NRXN3: variants seen among roughly 807,000 people sequenced by gnomAD.
The protein encoded by NRXN3 is neurexin III.
A neutral mutation model predicts 137.6 loss-of-function variants in NRXN3; 32 were observed. The ratio of observed to expected loss-of-function variants is 0.23; its 90% CI spans 0.18 to 0.31. NRXN3 has a LOEUF of 0.31. Ranked by LOEUF, NRXN3 falls within the 10% of genes least tolerant of loss-of-function variation. The probability of loss-of-function intolerance (pLI) is 1.00; values close to 1 mark genes in which losing one functional copy is unlikely to be tolerated. For synonymous variants in NRXN3, 798 were observed against 784.5 expected (o/e 1.02, Z -0.29); for missense variants, 1,574 against 2,062.5 (o/e 0.76, Z 4.59).
At chr14:79,511,964 A>G (rs1294251109) in intron 16 of NRXN3, among the ~76,000 whole-genome samples, 1 of 152,182 alleles carries the variant, frequency 6.6e-6, no homozygotes, top group Non-Finnish European at 1.5e-5. Flanking sequence ...CAATGGTGCG[A>G]TCTCAGCTCA....
At chr14:79,120,290 T>G (rs2055179436) in intron 15 of NRXN3, among the ~76,000 whole-genome samples, 1 of 152,180 alleles carries the variant, frequency 6.6e-6, no homozygotes. Context: ...GAGAACCTTG[T>G]GCAAATGAGT....
intron 15 of NRXN3, among the ~76,000 whole-genome samples, chr14:79,120,470 A>G (rs1172484935): frequency 2.6e-5 from 4 of 152,100 alleles, no homozygotes; most frequent in African/African-American, 9.7e-5. Flanking sequence ...TATGTAAACC[A>G]GCTTATGATT....
intron 20 of NRXN3, among the ~76,000 whole-genome samples, chr14:79,856,463 C>T (rs2099402719): frequency 6.6e-6 from 1 of 152,014 alleles, no homozygotes; most frequent in African/African-American, 2.4e-5. Flanking sequence ...AAGTAAAATA[C>T]CCAAATATAT....
Position 79,455,780 on chromosome 14 carries a change from A to G in NRXN3, c.3263-11441A>G, listed in dbSNP as rs144020725. ...TATTTCTGTTTTTTTAGAGGTTTAT[A>G]TATTTTCTTTGACATTTTAAAGAGC... On this transcript the variant is annotated intron_variant, in intron 15 of 20. Transcript: ENST00000335750. 3.4e-4 allele frequency among the ~76,000 whole-genome samples: 51 copies of G among 151,818 alleles called. No homozygotes were observed. The East Asian group carries it at 9.5e-3, about 28-fold the overall frequency.
chr14:78,913,499 C>T (rs1213519986), intron 10 of NRXN3, among the ~76,000 whole-genome samples: 7 of 151,652 alleles, frequency 4.6e-5, no homozygotes, highest in Non-Finnish European at 8.8e-5. Flanking sequence ...AGGATGGTCT[C>T]GATCTCTTGA....
chr14:78,638,598 T>G (rs1427877684), intron 4 of NRXN3, among the ~76,000 whole-genome samples: 1 of 152,050 alleles, frequency 6.6e-6, no homozygotes, highest in Non-Finnish European at 1.5e-5. Flanking sequence ...ATTTCTACTT[T>G]CCCCTCACTT....
chr14:78,780,625 A>T (rs1193504935), intron 8 of NRXN3, among the ~76,000 whole-genome samples: 2 of 152,206 alleles, frequency 1.3e-5, no homozygotes, highest in Non-Finnish European at 2.9e-5. Flanking sequence ...TAACCCAATG[A>T]AAAATGAGCA....
At chr14:78,369,268 GC>G in intron 4 of NRXN3, among the ~76,000 whole-genome samples, 1 of 151,268 alleles carries the variant, frequency 6.6e-6, no homozygotes, top group Non-Finnish European at 1.5e-5. Context: ...GTAGTGCTTT[GC>G]CAATAAAGGT....
At chr14:79,241,756 C>T (rs115650920) in intron 15 of NRXN3, among the ~76,000 whole-genome samples, 1,933 of 152,186 alleles carry the variant, frequency 0.013, 46 homozygotes, top group African/African-American at 0.044. Flanking sequence ...CTTTTACATG[C>T]TTTACATTCA....
chr14:79,541,571 G>A (rs912228197), intron 16 of NRXN3, among the ~76,000 whole-genome samples: 2 of 152,078 alleles, frequency 1.3e-5, no homozygotes, highest in African/African-American at 4.8e-5. Context: ...CCACTACAAG[G>A]TATAAAGATG....
chr14:79,460,824 C>A (rs1256999646), intron 15 of NRXN3, among the ~76,000 whole-genome samples: 1 of 152,200 alleles, frequency 6.6e-6, no homozygotes, highest in African/African-American at 2.4e-5. Context: ...TCTCAGCTTA[C>A]TGAGCAGCAA....
intron 19 of NRXN3, among the ~76,000 whole-genome samples, chr14:79,752,776 C>G (rs2099002826): frequency 6.6e-6 from 1 of 151,942 alleles, no homozygotes; most frequent in Non-Finnish European, 1.5e-5. Flanking sequence ...TCAGAGTGAA[C>G]AGGCAACCTA....
At chr14:78,743,287 A>G (rs1332790063) in intron 8 of NRXN3, among the ~76,000 whole-genome samples, 5 of 152,192 alleles carry the variant, frequency 3.3e-5, no homozygotes, top group Admixed American at 6.5e-5. Context: ...TTTATGCTCT[A>G]TTTGGTGTTT....
intron 15 of NRXN3, among the ~76,000 whole-genome samples, chr14:79,071,265 T>A (rs534041899): frequency 2.2e-3 from 333 of 152,212 alleles, no homozygotes; most frequent in African/African-American, 7.6e-3. Flanking sequence ...TTAAGTTCTG[T>A]GATACATGTG....
At chr14:78,194,514 A>G (rs2061046137) in intron 1 of NRXN3, among the ~76,000 whole-genome samples, 1 of 152,084 alleles carries the variant, frequency 6.6e-6, no homozygotes. Context: ...AGGTGAGGTC[A>G]TTGCCACCTT....
chr14:78,377,152 C>T (rs2088018961), intron 4 of NRXN3, among the ~76,000 whole-genome samples: 1 of 152,182 alleles, frequency 6.6e-6, no homozygotes, highest in Non-Finnish European at 1.5e-5. Context: ...CATGACCCAA[C>T]TCTGTGTTAT....
At chr14:79,307,103 T>C (rs971395151) in intron 15 of NRXN3, among the ~76,000 whole-genome samples, 2 of 152,144 alleles carry the variant, frequency 1.3e-5, no homozygotes, top group African/African-American at 4.8e-5. Flanking sequence ...ACAGCCACAA[T>C]TTATCAAATG....
At chr14:78,382,228 C>T (rs1296595247) in intron 4 of NRXN3, among the ~76,000 whole-genome samples, 2 of 152,150 alleles carry the variant, frequency 1.3e-5, no homozygotes, top group African/African-American at 4.8e-5. Flanking sequence ...CTATACTTTG[C>T]ATACTTTGAT....
chr14:78,873,443 C>A (rs1244134822), intron 10 of NRXN3, among the ~76,000 whole-genome samples: 1 of 152,138 alleles, frequency 6.6e-6, no homozygotes, highest in African/African-American at 2.4e-5. Flanking sequence ...GGAATATGTT[C>A]ATTATCTCAG....
Sources: gnomAD v4.1 joint callset for allele counts (sites outside exome capture counted in the v4.1 genomes callset) on GRCh38, gnomAD v4.1.1 for gene constraint, MANE v1.5 for transcripts, NCBI Gene and HGNC (gene_info 2026-07-23, HGNC 2026-07-21) for gene names.